SPAG17: variants seen among roughly 807,000 people sequenced by gnomAD.
The protein encoded by SPAG17 is sperm-associated antigen 17.
In SPAG17, 169 loss-of-function variants were observed where a neutral mutation model predicts 273.6. That is an observed-to-expected ratio of 0.62 (90% CI 0.55 to 0.70). SPAG17 has a LOEUF of 0.70. Ranked by LOEUF, SPAG17 falls within the 30% of genes least tolerant of loss-of-function variation. SPAG17 has a pLI of 0.00. For missense variants in SPAG17, 2,557 were observed against 2,627.8 expected, an observed-to-expected ratio of 0.97 and a Z score of 0.59; for synonymous variants, 825 against 873.2, an observed-to-expected ratio of 0.94 and a Z score of 0.97.
In SPAG17 at chr1:118,008,127, T is replaced by C. The variant is rs535921642; in HGVS notation, c.4504A>G (p.Ile1502Val). 2.4e-4 allele frequency: 385 copies of C among 1,614,096 alleles called. 6 individuals are homozygous for C. In the South Asian group the frequency reaches 4.0e-3, roughly 17 times the overall value. ...RVESSRYATV[I>V]ANCEDSSCCA... ...CAGCTACTGTCCTCACAGTTGGCGATAACAGTGGCATAGCGTGAGCTTTCT... is the reference window on the plus strand; with the variant it reads ...CAGCTACTGTCCTCACAGTTGGCGACAACAGTGGCATAGCGTGAGCTTTCT... The change falls in exon 31 of 49, where the codon ATC (isoleucine) becomes GTC (valine). Residue 1502 changes from isoleucine (I) to valine (V), a missense_variant. By Grantham distance (29) the Ile-to-Val change is conservative. Coordinates refer to ENST00000336338, the MANE Select transcript of SPAG17 (RefSeq NM_206996.4).
intron 45 of SPAG17, among the ~76,000 whole-genome samples, chr1:117,971,194 A>G (rs1469121946): frequency 6.6e-6 from 1 of 152,224 alleles, no homozygotes; most frequent in African/African-American, 2.4e-5. Flanking sequence ...CTTATGTTTA[A>G]TTCAAGATAC....
chr1:117,954,618 C>T (rs762820585), intron 48 of SPAG17: 1 of 1,612,082 alleles, frequency 6.2e-7, no homozygotes, highest in Non-Finnish European at 8.5e-7. Context: ...TGGCTTATGG[C>T]AGTATCTCAG....
chr1:118,088,176 T>C (rs567104041), intron 10 of SPAG17, among the ~76,000 whole-genome samples: 1 of 152,270 alleles, frequency 6.6e-6, no homozygotes, highest in African/African-American at 2.4e-5. Flanking sequence ...AATTCTAACA[T>C]CCCATCCTAT....
Position 118,086,698 on chromosome 1 carries a change from T to C in SPAG17, c.1584A>G (p.Ala528=), listed in dbSNP as rs1446608826. 4 of 1,614,072 alleles carry C rather than the reference T, an allele frequency of 2.5e-6. No individual in the cohort carries two copies. The highest frequency in any genetic ancestry group is 3.4e-6 in the Non-Finnish European group (4 of 1,180,032). ...GTAGTGCGTACTTCTTGTGGGCGTG[T>C]GCATCATGATAGTTCAGTAGGAGGG... ...KGPLLLNYHD[A]HAHKKYALQD... is the part of the protein sequence containing the mutation. The change falls in exon 12 of 49, where the codon GCA becomes GCG. Residue 528 remains alanine, a synonymous_variant. Coordinates refer to ENST00000336338, the MANE Select transcript of SPAG17 (RefSeq NM_206996.4).
At chr1:118,094,323 T>C (rs1268252002) in intron 7 of SPAG17, among the ~76,000 whole-genome samples, 2 of 152,236 alleles carry the variant, frequency 1.3e-5, no homozygotes, top group Non-Finnish European at 1.5e-5. Context: ...CATTTTAAAA[T>C]GAAACAGCAA....
intron 18 of SPAG17, among the ~76,000 whole-genome samples, chr1:118,058,295 ACTCCTGGGCTTGAGCAATTCTCCCAG>A (rs1387802451): frequency 2.0e-5 from 3 of 151,990 alleles, no homozygotes; most frequent in Admixed American, 1.3e-4. Flanking sequence ...GGTGCCTCAA[ACTCCTGGGCTTGAGCAATTCTCCCAG>A]CTCAGACTCC....
At chr1:118,138,715 A>G (rs543418462) in intron 3 of SPAG17, among the ~76,000 whole-genome samples, 1 of 152,252 alleles carries the variant, frequency 6.6e-6, no homozygotes, top group African/African-American at 2.4e-5. Context: ...CTGAATTACT[A>G]CCGTTAAAAT....
chr1:118,128,250 T>C (rs2102290550), intron 3 of SPAG17, among the ~76,000 whole-genome samples: 1 of 152,376 alleles, frequency 6.6e-6, no homozygotes, highest in Non-Finnish European at 1.5e-5. Context: ...TTTTGTATGT[T>C]GATTTTATAT....
chr1:118,178,829 GA>G, intron 1 of SPAG17, among the ~76,000 whole-genome samples: 1 of 151,222 alleles, frequency 6.6e-6, no homozygotes, highest in Middle Eastern at 3.4e-3. Context: ...CATACAATCT[GA>G]AAAAAAATCA....
chr1:118,058,847 A>G (rs1651977781), intron 18 of SPAG17, among the ~76,000 whole-genome samples: 1 of 152,214 alleles, frequency 6.6e-6, no homozygotes, highest in African/African-American at 2.4e-5. Flanking sequence ...CAAGGTAGAA[A>G]GTATTAAAGG....
chr1:118,184,189 A>C (rs139302750), intron 1 of SPAG17, among the ~76,000 whole-genome samples: 307 of 152,250 alleles, frequency 2.0e-3, no homozygotes, highest in African/African-American at 7.1e-3. Context: ...CTAGTGCACC[A>C]TACAGACATA....
At chr1:118,080,246 C>G (rs1040004959) in intron 15 of SPAG17, among the ~76,000 whole-genome samples, 1 of 152,196 alleles carries the variant, frequency 6.6e-6, no homozygotes, top group East Asian at 1.9e-4. Context: ...CTAAGAGAGG[C>G]ATTTCCATAT....
In SPAG17 at chr1:118,099,544, T is replaced by C. The variant is rs1046606096; in HGVS notation, c.829+62A>G. ...TATGTTTTGGACAGAAAATTATATTTGTACTTTAAGGACAGTGGGTAATAT... is the reference window on the plus strand; with the variant it reads ...TATGTTTTGGACAGAAAATTATATTCGTACTTTAAGGACAGTGGGTAATAT... On this transcript the variant is annotated intron_variant, in intron 6 of 48. Transcript: ENST00000336338. 5.7e-6 allele frequency: 8 copies of C among 1,397,326 alleles called. No individual in the cohort carries two copies. In the Admixed American group the frequency reaches 1.1e-4, roughly 19 times the overall value. 86.6% of individuals were successfully genotyped at this position (1,397,326 alleles called of 1,614,324 possible).
intron 5 of SPAG17, among the ~76,000 whole-genome samples, chr1:118,100,946 C>T (rs1300745586): frequency 1.3e-5 from 2 of 152,102 alleles, no homozygotes; most frequent in Non-Finnish European, 2.9e-5. Flanking sequence ...GATTTTATTA[C>T]CACTGTGTTT....
In SPAG17 at chr1:117,992,633, G is replaced by T. The variant is rs781157833; in HGVS notation, c.5194C>A (p.Pro1732Thr). 4 of 1,591,392 alleles carry T rather than the reference G, an allele frequency of 2.5e-6. No homozygotes were observed. Among genetic ancestry groups the T allele is most frequent in the Non-Finnish European group, 3.4e-6 (4 of 1,172,908 alleles). Residue 1732 changes from proline to threonine, a missense_variant, in exon 36 of 49, where the codon CCT becomes ACT. Coordinates refer to ENST00000336338, the MANE Select transcript of SPAG17 (RefSeq NM_206996.4). ...TTCCAAATCTGAGTACCAAACGGAG[G>T]TCCTGGAGTTTTTTTCTGTTAACAA... ...FPSVEKKTPGPPFGTQIWKGL... is the reference protein window; with the variant it reads ...FPSVEKKTPGTPFGTQIWKGL...
rs147691099 is a variant in SPAG17 at position 117,966,477 on chromosome 1, G to T, written c.6532+132C>A. On this transcript the variant is annotated intron_variant, in intron 47 of 48. Coordinates refer to ENST00000336338, the MANE Select transcript of SPAG17 (RefSeq NM_206996.4). ...TCAAAGATGAATGAAGATGCTCTTTGTCTTAATAAATTTAACTCTGATTTT... is the reference window on the plus strand; with the variant it reads ...TCAAAGATGAATGAAGATGCTCTTTTTCTTAATAAATTTAACTCTGATTTT... 2,990 of 931,010 alleles carry T rather than the reference G, an allele frequency of 3.2e-3. 37 individuals are homozygous for T. Among genetic ancestry groups the T allele is most frequent in the East Asian group, 0.027 (1,002 of 36,498 alleles). 57.7% of individuals were successfully genotyped at this position (931,010 alleles called of 1,614,324 possible).
At chr1:118,172,642 C>A (rs1660470771) in intron 1 of SPAG17, among the ~76,000 whole-genome samples, 1 of 152,152 alleles carries the variant, frequency 6.6e-6, no homozygotes, top group Admixed American at 6.5e-5. Context: ...AGAACCTAAA[C>A]AAGCTTCCAG....
In SPAG17 at chr1:118,073,967, T is replaced by A; in HGVS notation, c.2272A>T (p.Lys758Ter). The A allele has an allele frequency of 5.2e-6, 8 of 1,545,426 alleles. No individual in the cohort carries two copies. Among genetic ancestry groups the A allele is most frequent in the Non-Finnish European group, 6.9e-6 (8 of 1,154,670 alleles). ...AVTKADSHEKKPKKMMVEADL... is the reference protein window; with the variant it reads ...AVTKADSHEK ...GCTTCCACCATCATCTTCTTGGGTT[T>A]CTAAAATATCATAGGAACACAATTT... Residue 758 changes from lysine (K) to a stop codon, truncating the protein, a stop_gained and splice_region_variant, in exon 17 of 49, where the codon AAA becomes TAA. Transcript: ENST00000336338. LOFTEE classifies it high-confidence loss of function.
intron 18 of SPAG17, among the ~76,000 whole-genome samples, chr1:118,057,070 G>A (rs902409652): frequency 5.9e-5 from 9 of 151,668 alleles, no homozygotes; most frequent in East Asian, 5.8e-4. Flanking sequence ...TCCGCCTCCC[G>A]GGTTCAAGCA....
Sources: allele counts gnomAD v4.1 joint callset (sites outside exome capture counted in the v4.1 genomes callset), GRCh38; gene constraint gnomAD v4.1.1; transcripts MANE v1.5; gene names NCBI Gene and HGNC (gene_info 2026-07-23, HGNC 2026-07-21).